CTNNA3: variants seen among roughly 807,000 people sequenced by gnomAD.
CTNNA3 encodes catenin alpha 3, also known as catenin alpha-3.
Under a neutral mutation model 95.7 loss-of-function variants are expected in CTNNA3, and 76 were observed. The ratio of observed to expected loss-of-function variants is 0.79; its 90% CI spans 0.66 to 0.96. The LOEUF (loss-of-function observed/expected upper bound fraction) is 0.96. CTNNA3 is among the 40% of genes least tolerant of loss of function. The pLI is 0.00. For synonymous variants in CTNNA3, 431 were observed against 374.4 expected (o/e 1.15, Z -1.74); for missense variants, 1,191 against 1,089.8 (o/e 1.09, Z -1.31).
chr10:66,030,014 C>A (rs576660860), intron 15 of CTNNA3, among the ~76,000 whole-genome samples: 1 of 152,054 alleles, frequency 6.6e-6, no homozygotes, highest in South Asian at 2.1e-4. Context: ...TACAGCTATA[C>A]AAGGAGGTGA....
intron 10 of CTNNA3, among the ~76,000 whole-genome samples, chr10:66,561,825 T>A (rs1446645288): frequency 4.6e-5 from 7 of 152,094 alleles, no homozygotes; most frequent in African/African-American, 1.7e-4. Flanking sequence ...ACCCATTTTT[T>A]TGTTGTTTGC....
At chr10:66,548,319 A>C (rs938719802) in intron 10 of CTNNA3, among the ~76,000 whole-genome samples, 10 of 152,178 alleles carry the variant, frequency 6.6e-5, no homozygotes, top group African/African-American at 2.4e-4. Flanking sequence ...TTTTTAAAAT[A>C]CTGACACTGT....
chr10:67,674,517 A>G (rs752597527), intron 1 of CTNNA3, among the ~76,000 whole-genome samples: 3 of 152,168 alleles, frequency 2.0e-5, no homozygotes, highest in Non-Finnish European at 4.4e-5. Flanking sequence ...TTCAGTTTCA[A>G]TAAGTATTGT....
At chr10:67,022,580 C>T (rs1482833589) in intron 7 of CTNNA3, among the ~76,000 whole-genome samples, 3 of 152,072 alleles carry the variant, frequency 2.0e-5, no homozygotes, top group Non-Finnish European at 4.4e-5. Context: ...TTGCAGTGTA[C>T]AAAGTCAATA....
At chr10:66,603,515 A>G (rs1844007359) in intron 10 of CTNNA3, among the ~76,000 whole-genome samples, 1 of 152,188 alleles carries the variant, frequency 6.6e-6, no homozygotes, top group African/African-American at 2.4e-5. Flanking sequence ...TCTACTACCT[A>G]AAGTGATCTA....
chr10:66,657,086 T>C (rs1284102917), intron 9 of CTNNA3, among the ~76,000 whole-genome samples: 2 of 152,080 alleles, frequency 1.3e-5, no homozygotes, highest in Non-Finnish European at 2.9e-5. Context: ...GATTTTATTT[T>C]CTCTCTCTCT....
At chr10:67,453,712 G>A (rs1847071063) in intron 5 of CTNNA3, among the ~76,000 whole-genome samples, 2 of 152,194 alleles carry the variant, frequency 1.3e-5, no homozygotes, top group African/African-American at 4.8e-5. Context: ...AGATAAGAGA[G>A]GAAGAGAAAA....
At chr10:67,713,356 C>T (rs1841123568) in intron 1 of CTNNA3, among the ~76,000 whole-genome samples, 1 of 152,186 alleles carries the variant, frequency 6.6e-6, no homozygotes, top group African/African-American at 2.4e-5. Flanking sequence ...TTTGTTCAAC[C>T]ATTGTGGAAG....
chr10:67,740,142 T>C (rs1418475240), intron 1 of CTNNA3, among the ~76,000 whole-genome samples: 2 of 152,172 alleles, frequency 1.3e-5, no homozygotes, highest in African/African-American at 2.4e-5. Flanking sequence ...CCTTACACCT[T>C]ATACAAAAAT....
chr10:66,725,964 A>G (rs1463436083), intron 9 of CTNNA3, among the ~76,000 whole-genome samples: 1 of 152,096 alleles, frequency 6.6e-6, no homozygotes, highest in Non-Finnish European at 1.5e-5. Flanking sequence ...GATAACATAT[A>G]CTTATCAATA....
intron 9 of CTNNA3, among the ~76,000 whole-genome samples, chr10:66,705,796 T>C (rs1252106999): frequency 6.6e-6 from 1 of 152,080 alleles, no homozygotes; most frequent in African/African-American, 2.4e-5. Context: ...ATGGTTACAC[T>C]GATTTTTGTC....
intron 7 of CTNNA3, among the ~76,000 whole-genome samples, chr10:66,823,908 C>T (rs1404336883): frequency 6.6e-6 from 1 of 151,982 alleles, no homozygotes; most frequent in East Asian, 1.9e-4. Flanking sequence ...TGGAGAGTTA[C>T]CATATTCCCT....
At chr10:67,234,185 C>T (rs946637542) in intron 5 of CTNNA3, among the ~76,000 whole-genome samples, 2 of 152,138 alleles carry the variant, frequency 1.3e-5, no homozygotes, top group African/African-American at 4.8e-5. Context: ...CATCCTGATA[C>T]CAAAGCCGGG....
intron 5 of CTNNA3, among the ~76,000 whole-genome samples, chr10:67,420,161 C>T (rs73266270): frequency 1.0e-3 from 158 of 152,184 alleles, no homozygotes; most frequent in African/African-American, 3.7e-3. Flanking sequence ...AAGCTAACAG[C>T]ATTTTATTTT....
At chr10:67,721,411 T>C (rs1319604683) in intron 1 of CTNNA3, among the ~76,000 whole-genome samples, 1 of 152,262 alleles carries the variant, frequency 6.6e-6, no homozygotes, top group African/African-American at 2.4e-5. Flanking sequence ...TAAGTTGATC[T>C]TCAATCTCTG....
intron 12 of CTNNA3, among the ~76,000 whole-genome samples, chr10:66,354,374 C>T (rs2092592694): frequency 6.6e-6 from 1 of 151,816 alleles, no homozygotes; most frequent in South Asian, 2.1e-4. Context: ...AGCACTGGCT[C>T]TTGAAACAAC....
chr10:67,283,779 G>A (rs1904615), intron 5 of CTNNA3, among the ~76,000 whole-genome samples: 10,808 of 152,094 alleles, frequency 0.071, 647 homozygotes, highest in African/African-American at 0.17. Flanking sequence ...TATGCCCCTC[G>A]GTCAAATTCT....
intron 12 of CTNNA3, among the ~76,000 whole-genome samples, chr10:66,283,570 A>T (rs1025934864): frequency 3.3e-5 from 5 of 151,922 alleles, no homozygotes; most frequent in Admixed American, 6.6e-5. Context: ...GTGCAAAATG[A>T]TTTCATTTTA....
rs750788228 is a variant in CTNNA3, at chr10:66,927,625, C to A, written c.1048-152101G>T. On this transcript the variant is annotated intron_variant, in intron 7 of 17. Coordinates refer to ENST00000433211, the MANE Select transcript of CTNNA3 (RefSeq NM_013266.4). The surrounding 1 kb of genome is among the most constrained non-coding windows in gnomAD (Gnocchi z 4.7). ...GGTCAGCCTTCAGAACCTTTACTTG[C>A]AGTGGAATAAAATCAGTGTCATAGG... The A allele has an allele frequency of 1.2e-6, 2 of 1,614,180 alleles. No homozygotes were observed. Among genetic ancestry groups the A allele is most frequent in the South Asian group, 2.2e-5 (2 of 91,088 alleles).
Sources: gnomAD v4.1 joint callset for allele counts (sites outside exome capture counted in the v4.1 genomes callset) on GRCh38, gnomAD v4.1.1 for gene constraint, Gnocchi (gnomAD v3.1) non-coding constraint, MANE v1.5 for transcripts, NCBI Gene and HGNC (gene_info 2026-07-23, HGNC 2026-07-21) for gene names.